CMPK1: variants seen among roughly 807,000 people sequenced by gnomAD.
The protein encoded by CMPK1 is cytidine/uridine monophosphate kinase 1.
In CMPK1, 10 loss-of-function variants were observed where a neutral mutation model predicts 25.7. The ratio of observed to expected loss-of-function variants is 0.39; its 90% CI spans 0.24 to 0.66. The LOEUF (loss-of-function observed/expected upper bound fraction) is 0.66. CMPK1 is among the 30% of genes least tolerant of loss of function. CMPK1 has a pLI of 0.48. For synonymous variants in CMPK1, 106 were observed against 101.5 expected (o/e 1.04, Z -0.27); for missense variants, 199 against 280.5 (o/e 0.71, Z 2.08).
intron 1 of CMPK1, among the ~76,000 whole-genome samples, chr1:47,364,449 C>CT (rs1646625227): frequency 1.3e-5 from 2 of 151,584 alleles, no homozygotes; most frequent in African/African-American, 4.8e-5. Flanking sequence ...TCCCAAGTAG[C>CT]AGGACTACAG....
chr1:47,347,783 C>G (rs1437984242), intron 1 of CMPK1, among the ~76,000 whole-genome samples: 1 of 152,116 alleles, frequency 6.6e-6, no homozygotes, highest in Non-Finnish European at 1.5e-5. Flanking sequence ...GCGCCGTTAC[C>G]ATGCCTGGCT....
At chr1:47,371,172 C>T (rs1440149784) in intron 2 of CMPK1, among the ~76,000 whole-genome samples, 3 of 152,148 alleles carry the variant, frequency 2.0e-5, no homozygotes, top group South Asian at 4.1e-4. Context: ...CTGGTTGGAA[C>T]TAAAGACATT....
chr1:47,365,261 C>T (rs961459020), intron 1 of CMPK1, among the ~76,000 whole-genome samples: 3 of 129,822 alleles, frequency 2.3e-5, no homozygotes, highest in Admixed American at 9.7e-5. Context: ...ATCATTTGTA[C>T]CCTGAAGATC....
intron 1 of CMPK1, among the ~76,000 whole-genome samples, chr1:47,361,337 C>T (rs539637944): frequency 1.2e-4 from 19 of 152,184 alleles, no homozygotes; most frequent in African/African-American, 3.9e-4. Context: ...TGCAGTGAGC[C>T]GAGATCGCGC....
chr1:47,349,637 C>T (rs990631637), intron 1 of CMPK1, among the ~76,000 whole-genome samples: 12 of 152,118 alleles, frequency 7.9e-5, no homozygotes, highest in South Asian at 2.1e-4. Flanking sequence ...TAACATTGCA[C>T]CTATAAAGTT....
At chr1:47,361,180 A>C (rs1010778799) in intron 1 of CMPK1, among the ~76,000 whole-genome samples, 5 of 152,074 alleles carry the variant, frequency 3.3e-5, no homozygotes, top group African/African-American at 1.2e-4. Context: ...CATGAGGTCA[A>C]GTGATCAAGA....
At chr1:47,372,177 T>G (rs1029709439) in intron 2 of CMPK1, among the ~76,000 whole-genome samples, 2 of 151,068 alleles carry the variant, frequency 1.3e-5, no homozygotes, top group African/African-American at 4.9e-5. Context: ...TACTGAAACC[T>G]CCACCTCCTG....
At chr1:47,349,891 C>G (rs12135037) in intron 1 of CMPK1, among the ~76,000 whole-genome samples, 40,691 of 151,490 alleles carry the variant, frequency 0.27, 5,720 homozygotes, top group Non-Finnish European at 0.31. Context: ...CTGCAATCTC[C>G]GCCTCCCGGT....
chr1:47,362,504 G>A (rs1008426740), intron 1 of CMPK1, among the ~76,000 whole-genome samples: 4 of 143,230 alleles, frequency 2.8e-5, no homozygotes, highest in South Asian at 2.2e-4. Flanking sequence ...TCAAGCTGGA[G>A]TGCAGTGGCA....
At chr1:47,347,924 C>T (rs530963069) in intron 1 of CMPK1, among the ~76,000 whole-genome samples, 1 of 152,290 alleles carries the variant, frequency 6.6e-6, no homozygotes, top group Non-Finnish European at 1.5e-5. Context: ...AGCCATCGTG[C>T]CCGGTCCATG....
chr1:47,333,856 G>C lies in CMPK1; in HGVS notation c.-90G>C, dbSNP rs1248886159. On this transcript the variant is annotated 5_prime_UTR_variant, in exon 1 of 6. Coordinates refer to ENST00000371873, the MANE Select transcript of CMPK1 (RefSeq NM_016308.3). ...CGGGGCCGCGGCGGGCGCCGGCTCA[G>C]CCCGCCCCTTTCTCCCGCCGCCTCC... The C allele has an allele frequency of 1.1e-6, 1 of 936,518 alleles. No individual in the cohort carries two copies. The highest frequency in any genetic ancestry group is 1.8e-5 in the African/African-American group (1 of 56,212). The allele number at this position is 936,518 out of a possible 1,614,324, so 58.0% of individuals were successfully genotyped here. A position where few individuals can be genotyped will look rare whatever the true frequency, so the allele number is the denominator to read the frequency against.
intron 1 of CMPK1, among the ~76,000 whole-genome samples, chr1:47,343,514 A>G (rs1333943972): frequency 6.6e-6 from 1 of 151,254 alleles, no homozygotes; most frequent in Admixed American, 6.6e-5. Context: ...TCTCAAAAAA[A>G]AAAAAGTCTC....
chr1:47,363,294 C>G (rs769729158), intron 1 of CMPK1, among the ~76,000 whole-genome samples: 1 of 152,092 alleles, frequency 6.6e-6, no homozygotes, highest in Non-Finnish European at 1.5e-5. Flanking sequence ...TTGAACCATC[C>G]GAAGTTAGAG....
At position 47,378,177 on chromosome 1, in the gene CMPK1, C is replaced by A. The variant is rs1055935390; in HGVS notation, c.*1432C>A. 1 of 152,082 alleles carries A rather than the reference C, an allele frequency of 6.6e-6. No homozygotes were observed. The highest frequency in any genetic ancestry group is 2.4e-5 in the African/African-American group (1 of 41,416). The allele number at this position is 152,082 out of a possible 1,614,324, so 9.4% of individuals were successfully genotyped here. ...ATTTATTTCTATGTGTTATGAAATT[C>A]ACTTAATGATAAATTTTTCAACATA... On this transcript the variant is annotated 3_prime_UTR_variant, in exon 6 of 6. Coordinates refer to ENST00000371873, the MANE Select transcript of CMPK1 (RefSeq NM_016308.3).
At chr1:47,338,559 C>CCCTCCCTCCCTCTCTCCTTT (rs1325301042) in intron 1 of CMPK1, among the ~76,000 whole-genome samples, 1 of 118,730 alleles carries the variant, frequency 8.4e-6, no homozygotes, top group Non-Finnish European at 1.7e-5. Context: ...CTCTCTCCTT[C>CCCTCCCTCCCTCTCTCCTTT]CCTCCCTCCC....
intron 1 of CMPK1, among the ~76,000 whole-genome samples, chr1:47,361,871 C>CTTTTT (rs34928345): frequency 7.9e-6 from 1 of 125,910 alleles, no homozygotes; most frequent in African/African-American, 3.1e-5. Flanking sequence ...AAATACTACT[C>CTTTTT]TTTTTTTTTT....
intron 1 of CMPK1, among the ~76,000 whole-genome samples, chr1:47,355,087 C>T (rs1188772400): frequency 4.0e-5 from 6 of 151,686 alleles, no homozygotes; most frequent in Non-Finnish European, 8.8e-5. Context: ...ATCTTTGTCG[C>T]TCAGGTTGGA....
intron 1 of CMPK1, among the ~76,000 whole-genome samples, chr1:47,365,255 T>C (rs1017446266): frequency 6.8e-6 from 1 of 147,668 alleles, no homozygotes; most frequent in Non-Finnish European, 1.5e-5. Flanking sequence ...TTGTGCATCA[T>C]TTGTACCCTG....
chr1:47,342,136 C>T (rs890606865), intron 1 of CMPK1, among the ~76,000 whole-genome samples: 1 of 151,898 alleles, frequency 6.6e-6, no homozygotes, highest in Non-Finnish European at 1.5e-5. Flanking sequence ...GGCTAGAGTG[C>T]AGTGGGGTGA....
Sources: allele counts gnomAD v4.1 joint callset (sites outside exome capture counted in the v4.1 genomes callset), GRCh38; gene constraint gnomAD v4.1.1; transcripts MANE v1.5; gene names NCBI Gene and HGNC (gene_info 2026-07-23, HGNC 2026-07-21).